Variants in PATJ observed in about 807,000 individuals in gnomAD.
PATJ encodes PATJ crumbs cell polarity complex component, also known as inaD-like protein.
Under a neutral mutation model 224.9 loss-of-function variants are expected in PATJ, and 190 were observed. The ratio of observed to expected loss-of-function variants is 0.84; its 90% confidence interval spans 0.75 to 0.95. PATJ has a LOEUF of 0.95. Ranked by LOEUF, PATJ falls within the 40% of genes least tolerant of loss-of-function variation. The probability of loss-of-function intolerance (pLI) is 0.00; values close to 1 mark genes in which losing one functional copy is unlikely to be tolerated. For missense variants in PATJ, 2,121 were observed against 2,270.3 expected (o/e 0.93, Z 1.34); for synonymous variants, 769 against 820.3 (o/e 0.94, Z 1.07).
intron 14 of PATJ, 128 bp from the exon 15 acceptor site, chr1:61,822,817 C>A: frequency 9.4e-7 from 1 of 1,059,674 alleles, no homozygotes; most frequent in Non-Finnish European, 1.4e-6. Flanking sequence ...CTATTATTGT[C>A]CTCTTTTAGG....
At chr1:62,045,891 G>A (rs1406599650) in intron 30 of PATJ, among the ~76,000 whole-genome samples, 1 of 152,088 alleles carries the variant, frequency 6.6e-6, no homozygotes, top group South Asian at 2.1e-4. Flanking sequence ...GAGCCATTCT[G>A]TTCTCAGAGC....
intron 19 of PATJ, among the ~76,000 whole-genome samples, chr1:61,862,990 A>AT (rs1664850342): frequency 6.7e-6 from 1 of 149,112 alleles, no homozygotes. Context: ...CTCTAACCAC[A>AT]TTAAAAAAAA....
intron 27 of PATJ, among the ~76,000 whole-genome samples, chr1:61,960,892 T>A (rs1227804760): frequency 2.0e-5 from 3 of 152,156 alleles, no homozygotes; most frequent in Non-Finnish European, 4.4e-5. Context: ...TTATATCTTC[T>A]TGAAAGGGGC....
At chr1:61,970,056 A>G (rs17313153) in intron 27 of PATJ, among the ~76,000 whole-genome samples, 20,541 of 150,688 alleles carry the variant, frequency 0.14, 1,867 homozygotes, top group Middle Eastern at 0.22. Flanking sequence ...CCATTTGTCT[A>G]TTTGGTTTTT....
At chr1:61,828,729 A>G (rs943853499) in intron 16 of PATJ, among the ~76,000 whole-genome samples, 4 of 152,088 alleles carry the variant, frequency 2.6e-5, no homozygotes, top group African/African-American at 9.7e-5. Context: ...ATCTTATGCT[A>G]TTTGTAACCT....
At chr1:62,002,357 A>G (rs903776346) in intron 28 of PATJ, among the ~76,000 whole-genome samples, 9 of 152,212 alleles carry the variant, frequency 5.9e-5, no homozygotes, top group African/African-American at 1.9e-4. Flanking sequence ...TCAACTGTAT[A>G]TCATGTAATC....
chr1:61,872,365 A>C lies in PATJ; in HGVS notation c.2836-2878A>C, dbSNP rs111933277. Among the ~76,000 whole-genome samples the C allele has an allele frequency of 1.6e-3, 251 of 152,300 alleles. 1 individual carries two copies. Among genetic ancestry groups the C allele is most frequent in the African/African-American group, 5.7e-3 (235 of 41,558 alleles). On this transcript the variant is annotated intron_variant, in intron 20 of 43. Coordinates refer to ENST00000642238, the MANE Select transcript of PATJ (RefSeq NM_001350145.3). ...GAGCAAAAATCACCTGGTGACCATG[A>C]AGCAGACCATCTGGAGGCAAAACTC...
rs144983546 is a variant in PATJ at position 62,114,137 on chromosome 1, G to T, written c.4546G>T (p.Val1516Leu). The T allele has an allele frequency of 1.8e-4, 296 of 1,614,140 alleles. 1 individual carries two copies. In the African/African-American group the frequency reaches 3.3e-3, roughly 18 times the overall value. The part of the protein sequence containing the change: ...RQTPQKVRLV[V>L]YRDEAHYRDE... Reference sequence around the variant, plus strand: ...GACCCCCCAGAAGGTGCGGCTGGTGGTGTATAGAGATGAGGCACACTACCG... The same window carrying T: ...GACCCCCCAGAAGGTGCGGCTGGTGTTGTATAGAGATGAGGCACACTACCG... Residue 1516 changes from valine to leucine, a missense_variant, in exon 35 of 44, where the codon GTG becomes TTG. By Grantham distance (32) the Val-to-Leu change is conservative. Coordinates refer to ENST00000642238, the MANE Select transcript of PATJ (RefSeq NM_001350145.3).
At chr1:62,153,812 A>G (rs1668871084) in intron 43 of PATJ, among the ~76,000 whole-genome samples, 1 of 152,090 alleles carries the variant, frequency 6.6e-6, no homozygotes. Context: ...GAGCTAGAAC[A>G]AAAAAAAGAT....
At chr1:62,092,846 A>G (rs1223091127) in intron 33 of PATJ, among the ~76,000 whole-genome samples, 5 of 150,252 alleles carry the variant, frequency 3.3e-5, no homozygotes, top group Admixed American at 1.3e-4. Flanking sequence ...AATTCAAGAG[A>G]TTCTCCTGCC....
chr1:61,792,239 A>G (rs1009236243), intron 9 of PATJ, among the ~76,000 whole-genome samples: 10 of 152,242 alleles, frequency 6.6e-5, no homozygotes, highest in African/African-American at 1.7e-4. Context: ...ATTTTAGCCT[A>G]ATGAACTATC....
At chr1:62,083,830 A>G (rs1659594550) in intron 32 of PATJ, among the ~76,000 whole-genome samples, 2 of 152,178 alleles carry the variant, frequency 1.3e-5, no homozygotes, top group Admixed American at 1.3e-4. Context: ...TTGTTTCTTA[A>G]TTAGTATCCT....
chr1:61,781,783 C>T (rs1373248409), intron 7 of PATJ, among the ~76,000 whole-genome samples: 1 of 152,188 alleles, frequency 6.6e-6, no homozygotes, highest in African/African-American at 2.4e-5. Flanking sequence ...CAGTTACACC[C>T]ACAGCTATAT....
chr1:62,147,671 C>T (rs545984287), intron 41 of PATJ, among the ~76,000 whole-genome samples: 26 of 152,116 alleles, frequency 1.7e-4, no homozygotes, highest in Admixed American at 3.9e-4. Flanking sequence ...TACTGGCACT[C>T]GCCTGTAGTC....
chr1:61,769,065 T>A (rs1646456340), intron 4 of PATJ, among the ~76,000 whole-genome samples: 1 of 152,206 alleles, frequency 6.6e-6, no homozygotes, highest in Non-Finnish European at 1.5e-5. Context: ...AAAATACCTC[T>A]GATTCCCTGA....
chr1:61,937,705 C>T (rs112155398), intron 27 of PATJ, among the ~76,000 whole-genome samples: 105 of 148,480 alleles, frequency 7.1e-4, no homozygotes, highest in African/African-American at 2.5e-3. Context: ...GGCTGGAGCG[C>T]AATGGCACGA....
At chr1:61,937,307 A>T (rs889844539) in intron 27 of PATJ, among the ~76,000 whole-genome samples, 7 of 152,256 alleles carry the variant, frequency 4.6e-5, no homozygotes, top group African/African-American at 1.4e-4. Context: ...ATCCTGGCTC[A>T]CTGCAACCTT....
chr1:62,016,114 C>A (rs564344716), intron 28 of PATJ, among the ~76,000 whole-genome samples: 1 of 152,004 alleles, frequency 6.6e-6, no homozygotes, highest in African/African-American at 2.4e-5. Flanking sequence ...TGGTGCAGAA[C>A]GAAAGCTGAT....
intron 33 of PATJ, among the ~76,000 whole-genome samples, chr1:62,108,220 T>G (rs750855612): frequency 9.2e-5 from 14 of 152,218 alleles, no homozygotes; most frequent in Non-Finnish European, 1.9e-4. Flanking sequence ...TAACATGAAG[T>G]ATTAGGCAGA....
Sources: gnomAD v4.1 joint callset for allele counts (sites outside exome capture counted in the v4.1 genomes callset) on GRCh38, gnomAD v4.1.1 for gene constraint, MANE v1.5 for transcripts, NCBI Gene and HGNC (gene_info 2026-07-23, HGNC 2026-07-21) for gene names.